Variants in FBXL7 observed in about 807,000 individuals in gnomAD.
FBXL7 encodes the protein F-box/LRR-repeat protein 7.
FBXL7 carries 12 observed loss-of-function variants against 38.3 expected under a neutral mutation model. The observed-to-expected ratio is 0.31, with a 90% CI of 0.20 to 0.51. The LOEUF is 0.51. Among genes scored for constraint, FBXL7 ranks in the 20% least tolerant of loss-of-function variants. The pLI is 0.98. For synonymous variants in FBXL7, 297 were observed against 300.9 expected (o/e 0.99, Z 0.13); for missense variants, 567 against 676.4 (o/e 0.84, Z 1.79).
chr5:15,754,864 C>G (rs947880942), intron 2 of FBXL7, among the ~76,000 whole-genome samples: 3 of 152,126 alleles, frequency 2.0e-5, no homozygotes, highest in African/African-American at 7.2e-5. Context: ...ACAAGGTTTT[C>G]AAGTACATTT....
chr5:15,592,414 A>G (rs943556197), intron 1 of FBXL7, among the ~76,000 whole-genome samples: 1 of 152,186 alleles, frequency 6.6e-6, no homozygotes, highest in Non-Finnish European at 1.5e-5. Flanking sequence ...CCTTGAAAAT[A>G]GAGAGCTTAG....
chr5:15,865,311 C>T (rs1739658082), intron 2 of FBXL7, among the ~76,000 whole-genome samples: 1 of 152,044 alleles, frequency 6.6e-6, no homozygotes, highest in Admixed American at 6.6e-5. Flanking sequence ...TGAATGAGTA[C>T]CATAGCTATC....
At chr5:15,698,302 A>G (rs1049176243) in intron 2 of FBXL7, among the ~76,000 whole-genome samples, 1 of 152,222 alleles carries the variant, frequency 6.6e-6, no homozygotes, top group Non-Finnish European at 1.5e-5. Flanking sequence ...TAAGTCACGT[A>G]TCTTTAACCC....
intron 2 of FBXL7, among the ~76,000 whole-genome samples, chr5:15,836,818 T>C (rs1204586979): frequency 4.6e-5 from 7 of 152,110 alleles, no homozygotes; most frequent in Admixed American, 3.9e-4. Flanking sequence ...GCTGTGGCCA[T>C]CCACATCATA....
chr5:15,784,350 A>G (rs927304464), intron 2 of FBXL7, among the ~76,000 whole-genome samples: 1 of 152,138 alleles, frequency 6.6e-6, no homozygotes. Flanking sequence ...TTTTTAAGTG[A>G]AGGATTTGGG....
chr5:15,848,442 C>A (rs931036944), intron 2 of FBXL7, among the ~76,000 whole-genome samples: 1 of 152,096 alleles, frequency 6.6e-6, no homozygotes, highest in Non-Finnish European at 1.5e-5. Context: ...AGTGCAGTGG[C>A]GTGATTTCGG....
At chr5:15,592,047 A>G (rs1294406482) in intron 1 of FBXL7, among the ~76,000 whole-genome samples, 1 of 152,108 alleles carries the variant, frequency 6.6e-6, no homozygotes, top group Non-Finnish European at 1.5e-5. Context: ...CTGTGGTAGG[A>G]GGGTCACTCT....
chr5:15,866,219 C>T (rs1259861099), intron 2 of FBXL7, among the ~76,000 whole-genome samples: 1 of 152,172 alleles, frequency 6.6e-6, no homozygotes. Context: ...GGCTGCAGTT[C>T]TACATGTTAT....
At chr5:15,631,091 T>A (rs1399320170) in intron 2 of FBXL7, among the ~76,000 whole-genome samples, 1 of 152,160 alleles carries the variant, frequency 6.6e-6, no homozygotes, top group Admixed American at 6.5e-5. Context: ...CATGGCAAAG[T>A]CTTCCTTAAA....
intron 1 of FBXL7, among the ~76,000 whole-genome samples, chr5:15,605,221 G>A (rs1473234112): frequency 6.6e-6 from 1 of 152,148 alleles, no homozygotes; most frequent in Non-Finnish European, 1.5e-5. Flanking sequence ...TCTGATTTCA[G>A]CTGGAAACAA....
chr5:15,565,695 A>G (rs1028976199), intron 1 of FBXL7, among the ~76,000 whole-genome samples: 1 of 152,054 alleles, frequency 6.6e-6, no homozygotes, highest in African/African-American at 2.4e-5. Flanking sequence ...TTTAGTTGAA[A>G]GGCCAACAGG....
intron 2 of FBXL7, among the ~76,000 whole-genome samples, chr5:15,733,492 C>G (rs968541505): frequency 1.3e-5 from 2 of 152,100 alleles, no homozygotes; most frequent in African/African-American, 4.8e-5. Flanking sequence ...ATTCATGAAT[C>G]TGACAAATAT....
intron 2 of FBXL7, among the ~76,000 whole-genome samples, chr5:15,654,767 T>C (rs1354326498): frequency 6.6e-6 from 1 of 152,216 alleles, no homozygotes; most frequent in African/African-American, 2.4e-5. Context: ...GTATATTGGA[T>C]AAATTTTGGA....
chr5:15,540,694 C>G (rs906275660), intron 1 of FBXL7, among the ~76,000 whole-genome samples: 7 of 152,140 alleles, frequency 4.6e-5, no homozygotes, highest in African/African-American at 1.2e-4. Context: ...GGCTGAACGT[C>G]TAAGATCAGG....
At chr5:15,526,713 A>T (rs1737260968) in intron 1 of FBXL7, among the ~76,000 whole-genome samples, 1 of 152,190 alleles carries the variant, frequency 6.6e-6, no homozygotes. Flanking sequence ...AAATGAAGAG[A>T]GTATGAACAC....
Position 15,678,739 on chromosome 5 carries a change from T to C in FBXL7, c.127+62667T>C, listed in dbSNP as rs140006123. Reference sequence around the variant, plus strand: ...GTTTTTATAAGGGATTTCCCTTTTCTCTTGACGCTCTCATTCTCTCTTGTC... The same window carrying C: ...GTTTTTATAAGGGATTTCCCTTTTCCCTTGACGCTCTCATTCTCTCTTGTC... On this transcript the variant is annotated intron_variant, in intron 2 of 3. Transcript: ENST00000504595. Among the ~76,000 whole-genome samples the C allele has an allele frequency of 8.3e-3, 1,257 of 152,320 alleles. 71 individuals are homozygous for C. Among genetic ancestry groups the C allele is most frequent in the Admixed American group, 0.07 (1,077 of 15,296 alleles).
At chr5:15,612,497 G>A (rs77478195) in intron 1 of FBXL7, among the ~76,000 whole-genome samples, 12,831 of 152,142 alleles carry the variant, frequency 0.084, 618 homozygotes, top group South Asian at 0.13. Flanking sequence ...CCTCACGTGT[G>A]TCTGAGAAGT....
At chr5:15,777,641 A>C (rs2055623) in intron 2 of FBXL7, among the ~76,000 whole-genome samples, 26,135 of 148,394 alleles carry the variant, frequency 0.18, 2,254 homozygotes, top group South Asian at 0.23. Context: ...GTGCATAGAA[A>C]TTTTGGGTCC....
chr5:15,655,915 C>G (rs2126577024), intron 2 of FBXL7, among the ~76,000 whole-genome samples: 1 of 152,336 alleles, frequency 6.6e-6, no homozygotes, highest in South Asian at 2.1e-4. Context: ...CTAGTCCTTA[C>G]AAAGTACTTT....
Sources: gnomAD v4.1 joint callset for allele counts (sites outside exome capture counted in the v4.1 genomes callset) on GRCh38, gnomAD v4.1.1 for gene constraint, MANE v1.5 for transcripts, NCBI Gene and HGNC (gene_info 2026-07-23, HGNC 2026-07-21) for gene names.